XIRP2: variants seen among roughly 807,000 people sequenced by gnomAD.
XIRP2 encodes xin actin-binding repeat-containing protein 2.
Under a neutral mutation model 277.0 loss-of-function variants are expected in XIRP2, and 236 were observed. That is an observed-to-expected ratio of 0.85 (90% CI 0.77 to 0.95). XIRP2 has a LOEUF of 0.95. XIRP2 is among the 40% of genes least tolerant of loss of function. XIRP2 has a pLI of 0.00. For synonymous variants in XIRP2, 1,490 were observed against 1,416.5 expected (o/e 1.05, Z -1.17); for missense variants, 4,640 against 4,157.5 (o/e 1.12, Z -3.19).
chr2:167,187,568 C>A lies in XIRP2; in HGVS notation c.563-23167C>A, dbSNP rs1693194599. On this transcript the variant is annotated intron_variant, in intron 3 of 10. Transcript: ENST00000409195. ...ATAGTCATTGACTATATGTCTGCTTCCTGGATTGTAAAATGTTCTCACTGG... is the reference window on the plus strand; with the variant it reads ...ATAGTCATTGACTATATGTCTGCTTACTGGATTGTAAAATGTTCTCACTGG... 9 of 983,884 alleles carry A rather than the reference C, an allele frequency of 9.1e-6. No individual in the cohort carries two copies. In the South Asian group the frequency reaches 3.3e-4, roughly 36 times the overall value. The allele number at this position is 983,884 out of a possible 1,614,324, so 60.9% of individuals were successfully genotyped here.
At position 167,249,996 on chromosome 2, in the gene XIRP2, T is replaced by A; in HGVS notation, c.8604T>A (p.Asn2868Lys). Residue 2868 changes from asparagine to lysine, a missense_variant, in exon 9 of 11, where the codon AAT becomes AAA. Physicochemically the swap from Asn to Lys is moderately conservative, Grantham distance 94. Transcript: ENST00000409195. The stretch of plus-strand genomic sequence containing the variant: ...CACATCTTGATTCACAGACTCAGAA[T>A]TTTCAGCAAACACAAATACAGACCG... ...IDAHLDSQTQ[N>K]FQQTQIQTAE... 1.2e-6 allele frequency: 2 copies of A among 1,613,600 alleles called. No homozygotes were observed. Among genetic ancestry groups the A allele is most frequent in the Non-Finnish European group, 1.7e-6 (2 of 1,179,702 alleles).
At chr2:167,115,825 G>A (rs1690882585) in intron 2 of XIRP2, among the ~76,000 whole-genome samples, 1 of 152,146 alleles carries the variant, frequency 6.6e-6, no homozygotes, top group South Asian at 2.1e-4. Context: ...GAACTACTGG[G>A]TTGGAAGCTC....
chr2:166,897,070 A>G (rs1684264660), intron 1 of XIRP2, among the ~76,000 whole-genome samples: 1 of 152,198 alleles, frequency 6.6e-6, no homozygotes, highest in Non-Finnish European at 1.5e-5. Context: ...TCTTCTCACA[A>G]TGATGAAATT....
At position 167,247,924 on chromosome 2, in the gene XIRP2, C is replaced by A; in HGVS notation, c.6532C>A (p.Leu2178Ile). The change falls in exon 9 of 11, where the codon CTT (leucine) becomes ATT (isoleucine). Residue 2178 changes from leucine (L) to isoleucine (I), a missense_variant. Transcript: ENST00000409195. ...VSMPVGGTYDLSGDFQKQTLL... is the reference protein window; with the variant it reads ...VSMPVGGTYDISGDFQKQTLL... ...CATGCCAGTTGGAGGAACTTACGAC[C>A]TTTCAGGGGACTTTCAGAAGCAAAC... 6.2e-7 allele frequency: 1 copy of A among 1,612,080 alleles called. No individual in the cohort carries two copies. The highest frequency in any genetic ancestry group is 8.5e-7 in the Non-Finnish European group (1 of 1,179,486).
At chr2:167,021,943 T>C (rs1215728997) in intron 2 of XIRP2, among the ~76,000 whole-genome samples, 1 of 152,124 alleles carries the variant, frequency 6.6e-6, no homozygotes, top group Non-Finnish European at 1.5e-5. Flanking sequence ...ATTTTCTGTA[T>C]TTCACCATAT....
intron 3 of XIRP2, among the ~76,000 whole-genome samples, chr2:167,200,270 C>CT: frequency 6.6e-6 from 1 of 152,328 alleles, no homozygotes; most frequent in South Asian, 2.1e-4. Context: ...GACTTAAAGA[C>CT]TGGCCTAGTG....
At chr2:167,084,198 T>G (rs1689846268) in intron 2 of XIRP2, among the ~76,000 whole-genome samples, 1 of 152,170 alleles carries the variant, frequency 6.6e-6, no homozygotes, top group South Asian at 2.1e-4. Context: ...ATTGAGATAA[T>G]AATGTGGTTT....
intron 2 of XIRP2, among the ~76,000 whole-genome samples, chr2:166,928,617 A>G (rs762226724): frequency 2.1e-4 from 32 of 152,136 alleles, no homozygotes; most frequent in Admixed American, 2.1e-3. Context: ...TTTAGTTTAT[A>G]GCATAGTTTT....
At chr2:167,030,294 G>T (rs1179788758) in intron 2 of XIRP2, among the ~76,000 whole-genome samples, 1 of 151,750 alleles carries the variant, frequency 6.6e-6, no homozygotes, top group African/African-American at 2.4e-5. Flanking sequence ...TAGTACTTTT[G>T]ATTGTGATGT....
intron 2 of XIRP2, among the ~76,000 whole-genome samples, chr2:167,035,055 C>T (rs999179961): frequency 6.6e-6 from 1 of 152,144 alleles, no homozygotes; most frequent in Admixed American, 6.5e-5. Context: ...TGTCTTTTGC[C>T]CTCCACCATG....
chr2:166,924,646 T>TA (rs1324412625), intron 2 of XIRP2, among the ~76,000 whole-genome samples: 1 of 152,156 alleles, frequency 6.6e-6, no homozygotes, highest in African/African-American at 2.4e-5. Context: ...AGAGGTTTCT[T>TA]AAGTACTTCT....
intron 2 of XIRP2, among the ~76,000 whole-genome samples, chr2:166,930,815 T>C (rs909888959): frequency 1.3e-5 from 2 of 152,230 alleles, no homozygotes; most frequent in African/African-American, 2.4e-5. Context: ...AGTTGTATTA[T>C]TTCAGAACAT....
intron 2 of XIRP2, among the ~76,000 whole-genome samples, chr2:166,915,269 C>T (rs1479323230): frequency 7.8e-6 from 1 of 129,014 alleles, no homozygotes; most frequent in East Asian, 2.2e-4. Flanking sequence ...CACTGCACTC[C>T]AGCCTGGGCG....
chr2:166,939,694 A>AC (rs1685638499), intron 2 of XIRP2, among the ~76,000 whole-genome samples: 1 of 134,580 alleles, frequency 7.4e-6, no homozygotes, highest in Non-Finnish European at 1.6e-5. Flanking sequence ...AAAAAAAAAA[A>AC]AAAACAAAAA....
intron 1 of XIRP2, chr2:166,889,790 TCA>T (rs1172315519): frequency 6.6e-6 from 1 of 152,276 alleles, no homozygotes; most frequent in Non-Finnish European, 1.5e-5. Context: ...TTGCTGGTAG[TCA>T]TTTTCTTCAT....
At chr2:167,098,734 C>A (rs943838955) in intron 2 of XIRP2, among the ~76,000 whole-genome samples, 5 of 152,172 alleles carry the variant, frequency 3.3e-5, no homozygotes, top group Admixed American at 1.3e-4. Flanking sequence ...TTTGTGTAGT[C>A]ATTCTTTTTG....
chr2:166,968,125 A>G lies in XIRP2; in HGVS notation c.408+64235A>G, dbSNP rs188547793. ...AAACATATAGAAGAAGGTATCAGCC[A>G]TTAGAATTGTATGAAGATGGAATGA... On this transcript the variant is annotated intron_variant, in intron 2 of 10. Coordinates refer to ENST00000409195, the MANE Select transcript of XIRP2 (RefSeq NM_152381.6). Among the ~76,000 whole-genome samples the G allele has an allele frequency of 1.6e-3, 236 of 152,100 alleles. 2 individuals are homozygous for G. The highest frequency in any genetic ancestry group is 5.3e-3 in the African/African-American group (219 of 41,538).
chr2:167,231,002 T>A (rs1219305961), intron 5 of XIRP2, among the ~76,000 whole-genome samples: 1 of 152,090 alleles, frequency 6.6e-6, no homozygotes, highest in Non-Finnish European at 1.5e-5. Flanking sequence ...GTAGATACAT[T>A]CATTAGTGCA....
chr2:167,247,848 A>T lies in XIRP2; in HGVS notation c.6456A>T (p.Ile2152=), dbSNP rs754830492. 6.2e-7 allele frequency: 1 copy of T among 1,613,578 alleles called. No homozygotes were observed. ...KSPKKTKNIK[I]LTDTQSSKPS... is the part of the protein sequence containing the mutation. ...CTAAAAAGACCAAAAATATTAAAAT[A>T]TTAACTGATACACAAAGCTCCAAGC... is the stretch of plus-strand genomic sequence containing the variant. Residue 2152 remains isoleucine, a synonymous_variant, in exon 9 of 11, where the codon ATA becomes ATT. Coordinates refer to ENST00000409195, the MANE Select transcript of XIRP2 (RefSeq NM_152381.6).
Sources: allele counts gnomAD v4.1 joint callset (sites outside exome capture counted in the v4.1 genomes callset), GRCh38; gene constraint gnomAD v4.1.1; transcripts MANE v1.5; gene names NCBI Gene and HGNC (gene_info 2026-07-23, HGNC 2026-07-21).